Variants in NOL4 observed in about 807,000 individuals in gnomAD.
NOL4 encodes nucleolar protein 4, also known as cancer/testis antigen 125.
Under a neutral mutation model 75.9 loss-of-function variants are expected in NOL4, and 17 were observed. The observed-to-expected ratio is 0.22, with a 90% CI of 0.15 to 0.34. The LOEUF is 0.34. Among genes scored for constraint, NOL4 ranks in the 10% least tolerant of loss-of-function variants. NOL4 has a pLI of 1.00. For missense variants in NOL4, 614 were observed against 793.5 expected, an observed-to-expected ratio of 0.77 and a Z score of 2.72; for synonymous variants, 292 against 289.9, an observed-to-expected ratio of 1.01 and a Z score of -0.07.
At chr18:34,053,953 T>C (rs2076729544) in intron 5 of NOL4, among the ~76,000 whole-genome samples, 1 of 151,926 alleles carries the variant, frequency 6.6e-6, no homozygotes, top group Admixed American at 6.6e-5. Context: ...ATGGATATGG[T>C]TTCATTTTTT....
intron 9 of NOL4, among the ~76,000 whole-genome samples, chr18:33,905,600 T>C (rs1193668006): frequency 6.6e-6 from 1 of 152,182 alleles, no homozygotes; most frequent in Non-Finnish European, 1.5e-5. Context: ...CCACTTCCAC[T>C]AACCTATCCC....
intron 1 of NOL4, among the ~76,000 whole-genome samples, chr18:34,141,508 A>G (rs1042388329): frequency 2.6e-5 from 4 of 152,218 alleles, no homozygotes; most frequent in African/African-American, 9.7e-5. Flanking sequence ...GGAACAGAAC[A>G]GAGCCCTCAT....
chr18:34,209,373 T>C (rs933320949), intron 1 of NOL4, among the ~76,000 whole-genome samples: 4 of 152,096 alleles, frequency 2.6e-5, no homozygotes, highest in Admixed American at 2.6e-4. Flanking sequence ...TTTTAAACCA[T>C]AACTCTAAAA....
intron 9 of NOL4, among the ~76,000 whole-genome samples, chr18:33,897,025 C>A (rs1426929106): frequency 6.6e-6 from 1 of 152,128 alleles, no homozygotes; most frequent in African/African-American, 2.4e-5. Flanking sequence ...AGCTCAGTAT[C>A]ACTGATCATT....
intron 4 of NOL4, among the ~76,000 whole-genome samples, chr18:34,094,028 C>T (rs763646000): frequency 4.6e-4 from 70 of 151,924 alleles, no homozygotes; most frequent in Non-Finnish European, 7.4e-4. Context: ...GGCAACAGAG[C>T]GAGACTCGTC....
At chr18:34,058,531 G>A (rs2076928280) in intron 5 of NOL4, among the ~76,000 whole-genome samples, 1 of 152,120 alleles carries the variant, frequency 6.6e-6, no homozygotes, top group African/African-American at 2.4e-5. Flanking sequence ...CATGTCTTGA[G>A]TAAACTTTAC....
At chr18:34,110,878 T>C (rs2079554848) in intron 2 of NOL4, among the ~76,000 whole-genome samples, 1 of 152,056 alleles carries the variant, frequency 6.6e-6, no homozygotes, top group African/African-American at 2.4e-5. Context: ...TGAATGTTTA[T>C]AGATAACAAT....
intron 5 of NOL4, among the ~76,000 whole-genome samples, chr18:34,089,124 T>TA (rs1197487224): frequency 1.3e-5 from 2 of 152,126 alleles, no homozygotes; most frequent in Non-Finnish European, 2.9e-5. Flanking sequence ...ATAAAAATTG[T>TA]AAAAAAAGTT....
intron 9 of NOL4, among the ~76,000 whole-genome samples, chr18:33,900,544 TTC>T (rs2065685879): frequency 1.3e-5 from 2 of 152,344 alleles, no homozygotes; most frequent in African/African-American, 4.8e-5. Flanking sequence ...TACTTGGAAA[TTC>T]TGTTTCCTTA....
In NOL4 at chr18:34,004,552, C is replaced by T. The variant is rs116566662; in HGVS notation, c.1056+14766G>A. ...CAGTTCCCATATCCTTAACATTTTA[C>T]TCAGGGCTTAGCATATAATAAAAAG... is the stretch of plus-strand genomic sequence containing the variant. On this transcript the variant is annotated intron_variant, in intron 6 of 10. Coordinates refer to ENST00000261592, the MANE Select transcript of NOL4 (RefSeq NM_003787.5). Among the ~76,000 whole-genome samples the T allele has an allele frequency of 7.9e-3, 1,202 of 152,078 alleles. 11 individuals are homozygous for T. Among genetic ancestry groups the T allele is most frequent in the African/African-American group, 0.027 (1,110 of 41,510 alleles).
chr18:34,148,597 AT>A (rs1264817695), intron 1 of NOL4, among the ~76,000 whole-genome samples: 1 of 151,724 alleles, frequency 6.6e-6, no homozygotes, highest in African/African-American at 2.4e-5. Context: ...TATTATTTCC[AT>A]TCTTTTGCAT....
At chr18:33,902,604 A>G (rs987478350) in intron 9 of NOL4, among the ~76,000 whole-genome samples, 4 of 152,134 alleles carry the variant, frequency 2.6e-5, no homozygotes, top group African/African-American at 4.8e-5. Flanking sequence ...CATTTCCATG[A>G]CATACTAATA....
At chr18:34,142,208 T>A (rs1179368143) in intron 1 of NOL4, among the ~76,000 whole-genome samples, 1 of 152,092 alleles carries the variant, frequency 6.6e-6, no homozygotes, top group Non-Finnish European at 1.5e-5. Flanking sequence ...TGTGGAGAAA[T>A]AGGAACACTT....
At chr18:34,080,931 T>A (rs2077982887) in intron 5 of NOL4, among the ~76,000 whole-genome samples, 1 of 152,178 alleles carries the variant, frequency 6.6e-6, no homozygotes, top group Non-Finnish European at 1.5e-5. Context: ...AAAAAAACAG[T>A]TTTCAAAGGA....
intron 6 of NOL4, among the ~76,000 whole-genome samples, chr18:33,970,345 G>C (rs1480757249): frequency 2.0e-5 from 3 of 152,040 alleles, no homozygotes; most frequent in Admixed American, 6.6e-5. Flanking sequence ...TCATCAGTTT[G>C]ACACTTTATT....
Position 33,980,346 on chromosome 18 carries a change from T to C in NOL4, c.1057-21928A>G, listed in dbSNP as rs183045783. Among the ~76,000 whole-genome samples the C allele has an allele frequency of 2.0e-4, 30 of 152,138 alleles. 1 individual carries two copies. The East Asian group carries it at 5.4e-3, about 27-fold the overall frequency. On this transcript the variant is annotated intron_variant, in intron 6 of 10. Coordinates refer to ENST00000261592, the MANE Select transcript of NOL4 (RefSeq NM_003787.5). ...AGAGCTGTCCTCACAAGTTGTGAGC[T>C]TTTACCTCCAAGAATTTCTACCAAG...
At chr18:34,138,895 G>A (rs2081017673) in intron 1 of NOL4, among the ~76,000 whole-genome samples, 1 of 152,158 alleles carries the variant, frequency 6.6e-6, no homozygotes, top group Non-Finnish European at 1.5e-5. Context: ...AAGGGCTGTT[G>A]AATTTTATCA....
At chr18:33,938,477 A>T (rs138842880) in intron 9 of NOL4, among the ~76,000 whole-genome samples, 3,920 of 152,178 alleles carry the variant, frequency 0.026, 63 homozygotes, top group Non-Finnish European at 0.028. Flanking sequence ...CGCCATTCTA[A>T]CAGGTGTGAG....
chr18:33,987,263 G>A (rs1300608272), intron 6 of NOL4, among the ~76,000 whole-genome samples: 1 of 152,066 alleles, frequency 6.6e-6, no homozygotes, highest in Non-Finnish European at 1.5e-5. Context: ...AAATGACCGT[G>A]ATCATGATCG....
Sources: gnomAD v4.1 joint callset for allele counts (sites outside exome capture counted in the v4.1 genomes callset) on GRCh38, gnomAD v4.1.1 for gene constraint, MANE v1.5 for transcripts, NCBI Gene and HGNC (gene_info 2026-07-23, HGNC 2026-07-21) for gene names.